Variants in FRMD5 observed in about 807,000 individuals in gnomAD.
The protein encoded by FRMD5 is FERM domain-containing protein 5.
Under a neutral mutation model 69.0 loss-of-function variants are expected in FRMD5, and 20 were observed. The ratio of observed to expected loss-of-function variants is 0.29; its 90% confidence interval spans 0.20 to 0.42. The LOEUF is 0.42. Among genes scored for constraint, FRMD5 ranks in the 10% least tolerant of loss-of-function variants. The pLI is 1.00. For missense variants in FRMD5, 595 were observed against 708.6 expected (o/e 0.84, Z 1.82); for synonymous variants, 271 against 260.1 (o/e 1.04, Z -0.40).
chr15:43,901,843 G>T (rs1411363227), intron 7 of FRMD5: 1 of 289,720 alleles, frequency 3.5e-6, no homozygotes, highest in Non-Finnish European at 6.5e-6. Context: ...GGGTGGGCAG[G>T]CACTGAGCCG....
chr15:43,990,955 T>C (rs1357422139), intron 1 of FRMD5, among the ~76,000 whole-genome samples: 3 of 152,212 alleles, frequency 2.0e-5, no homozygotes, highest in Admixed American at 6.5e-5. Flanking sequence ...TGGATTTGGG[T>C]TAACTTAAAA....
chr15:44,119,583 T>C (rs2076917930), intron 1 of FRMD5, among the ~76,000 whole-genome samples: 2 of 152,090 alleles, frequency 1.3e-5, no homozygotes, highest in South Asian at 4.1e-4. Flanking sequence ...TTATTTCCCA[T>C]GAATAAATTT....
Position 43,949,926 on chromosome 15 carries a change from T to C in FRMD5, c.103-25617A>G, listed in dbSNP as rs148211903. ...AAAAAAGGATGAAAGAAGAAGACAT[T>C]TGCATGCTGCATGGAGATTCCAAGG... On this transcript the variant is annotated intron_variant, in intron 1 of 13. Coordinates refer to ENST00000417257, the MANE Select transcript of FRMD5 (RefSeq NM_032892.5). Among the ~76,000 whole-genome samples the C allele has an allele frequency of 7.3e-3, 1,116 of 152,190 alleles. 10 individuals are homozygous for C. Among genetic ancestry groups the C allele is most frequent in the African/African-American group, 0.026 (1,063 of 41,528 alleles).
At chr15:44,076,555 T>A (rs1893776020) in intron 1 of FRMD5, among the ~76,000 whole-genome samples, 1 of 147,534 alleles carries the variant, frequency 6.8e-6, no homozygotes, top group East Asian at 2.1e-4. Flanking sequence ...TTCTCACTCA[T>A]AGGTGGGAAT....
chr15:44,046,297 A>C (rs931226184), intron 1 of FRMD5, among the ~76,000 whole-genome samples: 1 of 152,232 alleles, frequency 6.6e-6, no homozygotes, highest in Non-Finnish European at 1.5e-5. Flanking sequence ...GGAATTAATA[A>C]ATAGCTACAA....
rs186605248 is a variant in FRMD5 at position 44,005,736 on chromosome 15, A to G, written c.103-81427T>C. Among the ~76,000 whole-genome samples the G allele has an allele frequency of 3.3e-5, 5 of 152,218 alleles. No homozygotes were observed. The East Asian group carries it at 9.6e-4, about 29-fold the overall frequency. On this transcript the variant is annotated intron_variant, in intron 1 of 13. Coordinates refer to ENST00000417257, the MANE Select transcript of FRMD5 (RefSeq NM_032892.5). ...AGATCTCATGATAACTCTTATCCCA[A>G]GAACAGCACTAGGGGGATGATGCTA...
chr15:44,042,515 T>C (rs1280985264), intron 1 of FRMD5, among the ~76,000 whole-genome samples: 2 of 152,190 alleles, frequency 1.3e-5, no homozygotes, highest in Admixed American at 6.5e-5. Flanking sequence ...TGAACATCAA[T>C]GCGAAAATCC....
intron 4 of FRMD5, among the ~76,000 whole-genome samples, chr15:43,916,459 G>A (rs2089388803): frequency 6.6e-6 from 1 of 152,242 alleles, no homozygotes; most frequent in South Asian, 2.1e-4. Flanking sequence ...TACGGACTGT[G>A]TAATGAATCT....
intron 4 of FRMD5, 80 bp downstream of exon 4, chr15:43,919,379 G>C: frequency 8.4e-7 from 1 of 1,191,418 alleles, no homozygotes; most frequent in African/African-American, 1.5e-5. Context: ...TTCCAAATGA[G>C]AGGCTCTAAG....
chr15:43,899,987 G>A (rs193091808), intron 7 of FRMD5, among the ~76,000 whole-genome samples: 3 of 152,272 alleles, frequency 2.0e-5, no homozygotes, highest in Admixed American at 2.0e-4. Flanking sequence ...CTCTGCTCAG[G>A]GACCCGTCTC....
intron 1 of FRMD5, among the ~76,000 whole-genome samples, chr15:44,008,089 A>ATTTTTTT (rs35785368): frequency 8.0e-5 from 5 of 62,818 alleles, no homozygotes; most frequent in Admixed American, 2.3e-4. Flanking sequence ...ACAATCGGCA[A>ATTTTTTT]TTTTTTTTTT....
chr15:44,009,149 A>C (rs952157526), intron 1 of FRMD5, among the ~76,000 whole-genome samples: 1 of 152,230 alleles, frequency 6.6e-6, no homozygotes, highest in Non-Finnish European at 1.5e-5. Flanking sequence ...AAAAATAAGG[A>C]AATGAATAAA....
chr15:43,898,404 G>A (rs1162529506), intron 7 of FRMD5, among the ~76,000 whole-genome samples: 1 of 152,184 alleles, frequency 6.6e-6, no homozygotes, highest in Non-Finnish European at 1.5e-5. Context: ...ATAAGGACAA[G>A]AATATCTTCT....
intron 1 of FRMD5, among the ~76,000 whole-genome samples, chr15:44,053,588 T>C (rs1463431902): frequency 6.6e-6 from 1 of 152,150 alleles, no homozygotes; most frequent in Admixed American, 6.6e-5. Flanking sequence ...TGTGACATAC[T>C]GGATATGAAA....
intron 1 of FRMD5, among the ~76,000 whole-genome samples, chr15:44,062,068 A>G (rs760712299): frequency 6.6e-6 from 1 of 152,176 alleles, no homozygotes; most frequent in Non-Finnish European, 1.5e-5. Context: ...TACAATCTGA[A>G]CAGCCTTGCT....
At chr15:44,156,843 G>T (rs2077536401) in intron 1 of FRMD5, among the ~76,000 whole-genome samples, 1 of 152,030 alleles carries the variant, frequency 6.6e-6, no homozygotes, top group African/African-American at 2.4e-5. Context: ...GAGGCAGGAG[G>T]ACTGCTCCAG....
At chr15:43,875,299 C>G (rs536921632) in intron 13 of FRMD5, among the ~76,000 whole-genome samples, 56 of 135,836 alleles carry the variant, frequency 4.1e-4, no homozygotes, top group African/African-American at 1.5e-3. Flanking sequence ...TGCAGTAAAC[C>G]AAGATCACAC....
At position 43,930,636 on chromosome 15, in the gene FRMD5, A is replaced by G. The variant is rs114962963; in HGVS notation, c.103-6327T>C. 6.7e-3 allele frequency among the ~76,000 whole-genome samples: 1,026 copies of G among 152,326 alleles called. 13 individuals carry two copies. Among genetic ancestry groups the G allele is most frequent in the African/African-American group, 0.023 (967 of 41,564 alleles). ...TAAATACAGCAACTTCTTTGCCCCA[A>G]CAACTCCCTTCTACATGCAAATTGA... On this transcript the variant is annotated intron_variant, in intron 1 of 13. Coordinates refer to ENST00000417257, the MANE Select transcript of FRMD5 (RefSeq NM_032892.5).
intron 1 of FRMD5, among the ~76,000 whole-genome samples, chr15:44,009,042 A>G (rs1283470788): frequency 6.6e-6 from 1 of 152,178 alleles, no homozygotes; most frequent in Non-Finnish European, 1.5e-5. Context: ...AAAAACAACA[A>G]TAACAAAAAA....
Sources: gnomAD v4.1 joint callset for allele counts (sites outside exome capture counted in the v4.1 genomes callset) on GRCh38, gnomAD v4.1.1 for gene constraint, MANE v1.5 for transcripts, NCBI Gene and HGNC (gene_info 2026-07-23, HGNC 2026-07-21) for gene names.